CAMKMT: variants seen among roughly 807,000 people sequenced by gnomAD.
The protein encoded by CAMKMT is calmodulin-lysine N-methyltransferase.
CAMKMT carries 53 observed loss-of-function variants against 48.0 expected under a neutral mutation model. The observed-to-expected ratio is 1.10, with a 90% confidence interval of 0.89 to 1.39. CAMKMT has a LOEUF of 1.39. Among genes scored for constraint, CAMKMT ranks in the 40% most tolerant of loss-of-function variants. The pLI is 0.00. For synonymous variants in CAMKMT, 165 were observed against 152.3 expected, an observed-to-expected ratio of 1.08 and a Z score of -0.61; for missense variants, 428 against 402.7, an observed-to-expected ratio of 1.06 and a Z score of -0.54.
At chr2:44,452,332 C>A (rs1458476047) in intron 3 of CAMKMT, among the ~76,000 whole-genome samples, 1 of 151,944 alleles carries the variant, frequency 6.6e-6, no homozygotes, top group African/African-American at 2.4e-5. Context: ...AGGCATAGCG[C>A]CAGTTATCTC....
At chr2:44,376,052 T>A (rs1180248876) in intron 2 of CAMKMT, among the ~76,000 whole-genome samples, 3 of 150,948 alleles carry the variant, frequency 2.0e-5, no homozygotes, top group Non-Finnish European at 4.4e-5. Context: ...CCTCCCAAAG[T>A]GCTGGGATTA....
chr2:44,548,377 C>G (rs1035072161), intron 3 of CAMKMT, among the ~76,000 whole-genome samples: 10 of 152,148 alleles, frequency 6.6e-5, no homozygotes. Context: ...GGTTCTTTAT[C>G]TTTCTAAGCT....
intron 3 of CAMKMT, among the ~76,000 whole-genome samples, chr2:44,424,899 C>T (rs557505780): frequency 2.0e-5 from 3 of 152,048 alleles, no homozygotes; most frequent in African/African-American, 7.2e-5. Flanking sequence ...ACCTGTTCCC[C>T]AATAACTTAT....
intron 3 of CAMKMT, among the ~76,000 whole-genome samples, chr2:44,429,612 T>G (rs1288105876): frequency 6.6e-6 from 1 of 151,904 alleles, no homozygotes; most frequent in East Asian, 1.9e-4. Context: ...CCATCCTGGC[T>G]AACAAGGTGA....
intron 3 of CAMKMT, among the ~76,000 whole-genome samples, chr2:44,555,525 A>G (rs978244977): frequency 6.6e-6 from 1 of 152,190 alleles, no homozygotes; most frequent in Non-Finnish European, 1.5e-5. Context: ...AGCTTTCCCA[A>G]TAGGCCTTTG....
chr2:44,535,473 G>A (rs534635738), intron 3 of CAMKMT, among the ~76,000 whole-genome samples: 46 of 152,194 alleles, frequency 3.0e-4, no homozygotes, highest in African/African-American at 1.1e-3. Context: ...GATGAACATA[G>A]GTGCAAAGGT....
intron 7 of CAMKMT, among the ~76,000 whole-genome samples, chr2:44,738,399 C>T (rs1331617398): frequency 6.6e-6 from 1 of 152,212 alleles, no homozygotes; most frequent in African/African-American, 2.4e-5. Context: ...CCTTGTTACG[C>T]CATCTTTGCT....
intron 3 of CAMKMT, among the ~76,000 whole-genome samples, chr2:44,580,826 G>A (rs1669515586): frequency 2.0e-5 from 3 of 152,162 alleles, no homozygotes; most frequent in Admixed American, 1.3e-4. Flanking sequence ...TGCTAGCATT[G>A]ATCTGCCCCG....
chr2:44,549,998 A>C (rs887681142), intron 3 of CAMKMT, among the ~76,000 whole-genome samples: 5 of 152,196 alleles, frequency 3.3e-5, no homozygotes, highest in African/African-American at 1.2e-4. Context: ...TGGGCAGGGA[A>C]TCGGGAAGGG....
At chr2:44,424,748 T>G (rs561049047) in intron 3 of CAMKMT, among the ~76,000 whole-genome samples, 1 of 152,216 alleles carries the variant, frequency 6.6e-6, no homozygotes, top group African/African-American at 2.4e-5. Context: ...ACAGTGCACT[T>G]TGGGGACTTA....
intron 3 of CAMKMT, among the ~76,000 whole-genome samples, chr2:44,595,785 C>T (rs563115877): frequency 3.9e-5 from 6 of 152,276 alleles, no homozygotes; most frequent in African/African-American, 1.4e-4. Context: ...ACATATACAC[C>T]ATGGAATAGT....
chr2:44,527,244 C>T (rs973791407), intron 3 of CAMKMT, among the ~76,000 whole-genome samples: 3 of 145,562 alleles, frequency 2.1e-5, no homozygotes, highest in Non-Finnish European at 3.0e-5. Flanking sequence ...TACAGGTGAA[C>T]GCCACCATAT....
At chr2:44,565,318 A>G (rs1298789436) in intron 3 of CAMKMT, among the ~76,000 whole-genome samples, 1 of 152,220 alleles carries the variant, frequency 6.6e-6, no homozygotes. Context: ...CCTGGAAAGA[A>G]CACTGAATTG....
In CAMKMT at chr2:44,362,102, T is replaced by A; in HGVS notation, c.95T>A (p.Val32Asp). 1 of 1,466,972 alleles carries A rather than the reference T, an allele frequency of 6.8e-7. No homozygotes were observed. Among genetic ancestry groups the A allele is most frequent in the Non-Finnish European group, 8.9e-7 (1 of 1,120,452 alleles). 90.9% of individuals were successfully genotyped at this position (1,466,972 alleles called of 1,614,324 possible). A position where few individuals can be genotyped will look rare whatever the true frequency, so the allele number is the denominator to read the frequency against. Residue 32 changes from valine to aspartate, a missense_variant, in exon 1 of 11, where the codon GTC becomes GAC. By Grantham distance (152) the Val-to-Asp change is radical. Coordinates refer to ENST00000378494, the MANE Select transcript of CAMKMT (RefSeq NM_024766.5). ...AVGCTTRGPV[V>D]SAPLGAARWK... is the part of the protein sequence containing the mutation. ...GGCTGCACCACTCGGGGGCCCGTAGTCTCGGCGCCCCTGGGAGCCGCCCGG... is the reference window on the plus strand; with the variant it reads ...GGCTGCACCACTCGGGGGCCCGTAGACTCGGCGCCCCTGGGAGCCGCCCGG...
intron 3 of CAMKMT, among the ~76,000 whole-genome samples, chr2:44,437,713 G>A (rs1666355701): frequency 1.3e-5 from 2 of 152,008 alleles, no homozygotes; most frequent in East Asian, 1.9e-4. Context: ...TTTGGGCGTG[G>A]TGCATACTTG....
intron 3 of CAMKMT, among the ~76,000 whole-genome samples, chr2:44,563,590 G>A (rs1484249487): frequency 2.0e-5 from 3 of 151,922 alleles, no homozygotes; most frequent in Non-Finnish European, 2.9e-5. Flanking sequence ...CATCATTTAC[G>A]TTAGGTATAT....
chr2:44,716,520 G>A lies in CAMKMT; in HGVS notation c.623+1167G>A, dbSNP rs933871560. On this transcript the variant is annotated intron_variant, in intron 7 of 10. Transcript: ENST00000378494. ...TGTATTTTTAAATCCTGTTTAAAAT[G>A]TTGGGAGTAAGCTGGTGGCACAGGG... Among the ~76,000 whole-genome samples the A allele has an allele frequency of 4.6e-5, 7 of 152,312 alleles. No homozygotes were observed. In the East Asian group the frequency reaches 5.8e-4, roughly 13 times the overall value.
intron 3 of CAMKMT, among the ~76,000 whole-genome samples, chr2:44,600,217 G>C (rs1670902179): frequency 1.3e-5 from 2 of 151,858 alleles, no homozygotes; most frequent in Admixed American, 1.3e-4. Flanking sequence ...ATTCTCCTCA[G>C]CTTCACCATT....
At chr2:44,580,992 A>C (rs1163677118) in intron 3 of CAMKMT, among the ~76,000 whole-genome samples, 1 of 152,034 alleles carries the variant, frequency 6.6e-6, no homozygotes, top group Non-Finnish European at 1.5e-5. Context: ...TGGTGGGATT[A>C]TTACTCATTT....
Sources: allele counts gnomAD v4.1 joint callset (sites outside exome capture counted in the v4.1 genomes callset), GRCh38; gene constraint gnomAD v4.1.1; transcripts MANE v1.5; gene names NCBI Gene and HGNC (gene_info 2026-07-23, HGNC 2026-07-21).